Variants in LEKR1 observed in about 807,000 individuals in gnomAD.
LEKR1 encodes the protein leucine, glutamate and lysine rich 1, also known as protein LEKR1.
A neutral mutation model predicts 72.4 loss-of-function variants in LEKR1; 59 were observed. The ratio of observed to expected loss-of-function variants is 0.82; its 90% CI spans 0.66 to 1.01. The LOEUF (loss-of-function observed/expected upper bound fraction) is 1.01. LEKR1 is among the 50% of genes least tolerant of loss of function. The probability of loss-of-function intolerance (pLI) is 0.00; values close to 1 mark genes in which losing one functional copy is unlikely to be tolerated. For missense variants in LEKR1, 728 were observed against 759.2 expected (o/e 0.96, Z 0.48); for synonymous variants, 257 against 263.2 (o/e 0.98, Z 0.23).
At chr3:156,853,704 AC>A (rs1715676181) in intron 3 of LEKR1, among the ~76,000 whole-genome samples, 1 of 152,080 alleles carries the variant, frequency 6.6e-6, no homozygotes, top group Non-Finnish European at 1.5e-5. Context: ...AAATTTTGTT[AC>A]AGAATTTTAT....
chr3:156,955,970 A>T (rs1478429464), intron 6 of LEKR1, among the ~76,000 whole-genome samples: 1 of 151,882 alleles, frequency 6.6e-6, no homozygotes, highest in Non-Finnish European at 1.5e-5. Context: ...AAAAAAAAAA[A>T]AAGTAAGTAG....
At chr3:156,916,832 C>G (rs1723700062) in intron 3 of LEKR1, among the ~76,000 whole-genome samples, 1 of 152,088 alleles carries the variant, frequency 6.6e-6, no homozygotes. Context: ...TTGTCTTGTT[C>G]TTGTTTTCAA....
intron 9 of LEKR1, among the ~76,000 whole-genome samples, chr3:157,000,727 T>C (rs931284931): frequency 1.3e-5 from 2 of 152,220 alleles, no homozygotes; most frequent in Admixed American, 1.3e-4. Flanking sequence ...ATTATCTGCT[T>C]TACTCATACA....
At chr3:156,839,025 A>G (rs1014089162) in intron 2 of LEKR1, among the ~76,000 whole-genome samples, 5 of 152,044 alleles carry the variant, frequency 3.3e-5, no homozygotes, top group African/African-American at 1.2e-4. Context: ...CTATTCTGGA[A>G]AAAAAAAGGA....
chr3:156,989,832 G>C (rs570249963), intron 7 of LEKR1, among the ~76,000 whole-genome samples: 14 of 151,230 alleles, frequency 9.3e-5, no homozygotes, highest in Non-Finnish European at 1.9e-4. Flanking sequence ...CACACACACA[G>C]ACAGAAAGAC....
At chr3:157,022,256 A>G (rs1480522954) in intron 10 of LEKR1, among the ~76,000 whole-genome samples, 2 of 152,208 alleles carry the variant, frequency 1.3e-5, no homozygotes, top group Non-Finnish European at 2.9e-5. Flanking sequence ...AAGGCCATAT[A>G]CAGGAGTTTT....
At chr3:156,830,710 A>G (rs1712269084) in intron 2 of LEKR1, among the ~76,000 whole-genome samples, 1 of 152,216 alleles carries the variant, frequency 6.6e-6, no homozygotes, top group Non-Finnish European at 1.5e-5. Context: ...GAGTGAGCAG[A>G]GAGTGGTGAA....
chr3:156,879,803 C>A (rs926950956), intron 3 of LEKR1, among the ~76,000 whole-genome samples: 1 of 152,192 alleles, frequency 6.6e-6, no homozygotes, highest in African/African-American at 2.4e-5. Flanking sequence ...AGGTACAGCT[C>A]GGGTTGTGGC....
At chr3:156,927,721 C>T (rs1257156356) in intron 5 of LEKR1, 117 bp downstream of exon 5, 9 of 356,656 alleles carry the variant, frequency 2.5e-5, no homozygotes, top group Non-Finnish European at 3.8e-5. Context: ...TTTGTTATCA[C>T]TTGTTAGAGT....
chr3:156,936,616 A>G (rs1215057682), intron 5 of LEKR1, among the ~76,000 whole-genome samples: 2 of 152,164 alleles, frequency 1.3e-5, no homozygotes, highest in Non-Finnish European at 2.9e-5. Context: ...TTTCTCCTAA[A>G]TAAAGTAACA....
rs915194724 is a variant in LEKR1, at chr3:156,938,705, T to A, written c.560-3824T>A. Among the ~76,000 whole-genome samples, 32 of 152,358 alleles carry A rather than the reference T, an allele frequency of 2.1e-4. 1 individual carries two copies. The highest frequency in any genetic ancestry group is 7.5e-4 in the African/African-American group (31 of 41,586). On this transcript the variant is annotated intron_variant, in intron 5 of 12. Transcript: ENST00000356539. ...AGTTTAAAATAAATTGTGTAGTTTT[T>A]TTTATTTATTTAGTAAATCTGGTCA...
intron 6 of LEKR1, among the ~76,000 whole-genome samples, chr3:156,966,214 C>T (rs777422380): frequency 3.5e-4 from 54 of 152,188 alleles, no homozygotes; most frequent in African/African-American, 9.6e-4. Flanking sequence ...ACGCAGAAGA[C>T]GGGTGATTTC....
intron 3 of LEKR1, among the ~76,000 whole-genome samples, chr3:156,865,770 A>G (rs62275173): frequency 0.022 from 3,328 of 152,092 alleles, 62 homozygotes; most frequent in Non-Finnish European, 0.035. Context: ...ACCCTTGGTT[A>G]TCCCTCGAGC....
intron 3 of LEKR1, among the ~76,000 whole-genome samples, chr3:156,883,832 C>G (rs762569283): frequency 1.3e-5 from 2 of 152,126 alleles, no homozygotes; most frequent in Non-Finnish European, 2.9e-5. Flanking sequence ...TTTTCAGCAG[C>G]ATGAAAACAG....
At chr3:156,938,130 G>C (rs1274896698) in intron 5 of LEKR1, among the ~76,000 whole-genome samples, 1 of 151,640 alleles carries the variant, frequency 6.6e-6, no homozygotes, top group Non-Finnish European at 1.5e-5. Flanking sequence ...TGATAGAATT[G>C]CATGGAACTG....
intron 2 of LEKR1, among the ~76,000 whole-genome samples, chr3:156,837,157 T>A (rs1003064010): frequency 6.6e-6 from 1 of 152,244 alleles, no homozygotes; most frequent in African/African-American, 2.4e-5. Flanking sequence ...TTCCAGGATT[T>A]TATCATATAA....
chr3:156,940,555 A>G (rs768450052), intron 5 of LEKR1, among the ~76,000 whole-genome samples: 2 of 152,198 alleles, frequency 1.3e-5, no homozygotes, highest in African/African-American at 2.4e-5. Context: ...TGGCAAGGGT[A>G]GAATTGAATC....
chr3:157,045,370 G>C lies in LEKR1; in HGVS notation c.1699G>C (p.Glu567Gln), dbSNP rs762497422. The stretch of plus-strand genomic sequence containing the variant: ...TTTTCTTCAGGAGACAGTGCGTAGA[G>C]AATGTGAAGAACGCTTTGAACTGAC... ...NTFLQETVRR[E>Q]CEERFELTEA... Residue 567 changes from glutamate to glutamine, a missense_variant, in exon 13 of 13, where the codon GAA becomes CAA. Coordinates refer to ENST00000356539, the MANE Select transcript of LEKR1 (RefSeq NM_001004316.3). The C allele has an allele frequency of 3.1e-6, 5 of 1,613,956 alleles. No individual in the cohort carries two copies. Among genetic ancestry groups the C allele is most frequent in the Non-Finnish European group, 4.2e-6 (5 of 1,179,902 alleles).
chr3:156,828,762 CTTA>C (rs1320199103), intron 1 of LEKR1, among the ~76,000 whole-genome samples: 1 of 151,532 alleles, frequency 6.6e-6, no homozygotes, highest in Non-Finnish European at 1.5e-5. Context: ...CACTTGGCTT[CTTA>C]TTTTTTGATC....
Sources: gnomAD v4.1 joint callset for allele counts (sites outside exome capture counted in the v4.1 genomes callset) on GRCh38, gnomAD v4.1.1 for gene constraint, MANE v1.5 for transcripts, NCBI Gene and HGNC (gene_info 2026-07-23, HGNC 2026-07-21) for gene names.